The following ZC3H11A variants were observed in gnomAD, a reference collection of about 807,000 sequenced individuals.
ZC3H11A encodes zinc finger CCCH-type containing 11A.
ZC3H11A carries 22 observed loss-of-function variants against 90.8 expected under a neutral mutation model. That is an observed-to-expected ratio of 0.24 (90% CI 0.17 to 0.35). ZC3H11A has a LOEUF of 0.35. Ranked by LOEUF, ZC3H11A falls within the 10% of genes least tolerant of loss-of-function variation. ZC3H11A has a pLI of 1.00. For missense variants in ZC3H11A, 701 were observed against 964.9 expected, an observed-to-expected ratio of 0.73 and a Z score of 3.62; for synonymous variants, 294 against 339.8, an observed-to-expected ratio of 0.87 and a Z score of 1.48.
At chr1:203,835,162 C>T (rs1683874906) in intron 10 of ZC3H11A, among the ~76,000 whole-genome samples, 1 of 152,184 alleles carries the variant, frequency 6.6e-6, no homozygotes, top group Non-Finnish European at 1.5e-5. Flanking sequence ...ACTTTACGCT[C>T]TAAGTAATAA....
rs768923606 is a variant in ZC3H11A, at chr1:203,830,109, A to G, written c.620-14A>G. 6 of 1,580,262 alleles carry G rather than the reference A, an allele frequency of 3.8e-6. No homozygotes were observed. The highest frequency in any genetic ancestry group is 1.9e-5 in the Admixed American group (1 of 53,048). On this transcript the variant is annotated splice_polypyrimidine_tract_variant and intron_variant, in intron 7 of 17. Coordinates refer to ENST00000367210, the MANE Select transcript of ZC3H11A (RefSeq NM_001376342.1). ...GGCTCCCGTTCCTCATAAAATTTCT[A>G]TTTGAATTTTCAGGTGAATGTTTGA...
At chr1:203,823,336 C>G (rs143112587) in intron 4 of ZC3H11A, among the ~76,000 whole-genome samples, 10 of 152,310 alleles carry the variant, frequency 6.6e-5, no homozygotes, top group African/African-American at 2.4e-4. Flanking sequence ...ACACTCTTTT[C>G]CTAGTCATGA....
chr1:203,818,584 A>G lies in ZC3H11A; in HGVS notation c.69A>G (p.Pro23=), dbSNP rs1408958148. 3 of 1,614,006 alleles carry G rather than the reference A, an allele frequency of 1.9e-6. No homozygotes were observed. The highest frequency in any genetic ancestry group is 2.2e-5 in the East Asian group (1 of 44,890). ...TTTGTTTACAGGGTGACAGCTGCCC[A>G]TTCCGTCACTGTGAAGCTGCAATAG... ...YSTCTKGDSC[P]FRHCEAAIGN... Residue 23 remains proline, a synonymous_variant, in exon 4 of 18, where the codon CCA becomes CCG. Coordinates refer to ENST00000367210, the MANE Select transcript of ZC3H11A (RefSeq NM_001376342.1).
rs1307984295 is a variant in ZC3H11A at position 203,802,100 on chromosome 1, A to G, written c.-1062A>G. On this transcript the variant is annotated 5_prime_UTR_variant, in exon 2 of 18. Coordinates refer to ENST00000367210, the MANE Select transcript of ZC3H11A (RefSeq NM_001376342.1). ...TTGACAGTGCCAGTTTAGAATGGCT[A>G]TAATGCTGCTCTGCCTTCTACAGCT... 2.6e-5 allele frequency: 4 copies of G among 152,636 alleles called. No individual in the cohort carries two copies. Among genetic ancestry groups the G allele is most frequent in the African/African-American group, 9.6e-5 (4 of 41,458 alleles). The allele number at this position is 152,636 out of a possible 1,614,324, so 9.5% of individuals were successfully genotyped here.
chr1:203,800,261 G>C, intron 1 of ZC3H11A: 1 of 1,086,628 alleles, frequency 9.2e-7, no homozygotes. Flanking sequence ...TGTGTAGTTG[G>C]CAATCTGAAT....
At chr1:203,824,039 C>T (rs536297847) in intron 4 of ZC3H11A, among the ~76,000 whole-genome samples, 70 of 152,162 alleles carry the variant, frequency 4.6e-4, no homozygotes, top group Non-Finnish European at 9.1e-4. Flanking sequence ...GAGGCTGAGG[C>T]GGCTGGATCA....
chr1:203,850,659 C>A lies in ZC3H11A; in HGVS notation c.2084C>A (p.Pro695His). Residue 695 changes from proline (P) to histidine (H), a missense_variant, in exon 16 of 18, where the codon CCC (proline) becomes CAC (histidine). Around this residue, in one of 4 missense-constraint regions of ZC3H11A, gnomAD observed 91 missense variants for 86.8 expected, o/e 1.05. Coordinates refer to ENST00000367210, the MANE Select transcript of ZC3H11A (RefSeq NM_001376342.1). ...AGCTCCAGCAGTGTCCTACAGGAAC[C>A]CCCAGCCAAAAAGGCAGCTGTGGTA... is the stretch of plus-strand genomic sequence containing the variant. ...PLSSSSVLQE[P>H]PAKKAAVAVV... 1 of 1,614,034 alleles carries A rather than the reference C, an allele frequency of 6.2e-7. No homozygotes were observed.
intron 14 of ZC3H11A, among the ~76,000 whole-genome samples, chr1:203,848,847 T>C (rs1036086285): frequency 3.9e-5 from 6 of 152,200 alleles, no homozygotes; most frequent in African/African-American, 9.6e-5. Flanking sequence ...GAACAAACCC[T>C]AAAAATATAC....
At chr1:203,833,237 G>T (rs1367112838) in intron 9 of ZC3H11A, among the ~76,000 whole-genome samples, 1 of 151,984 alleles carries the variant, frequency 6.6e-6, no homozygotes, top group African/African-American at 2.4e-5. Context: ...GCATGGTGGT[G>T]CACGCCTGTA....
chr1:203,848,185 G>A (rs920147528), intron 13 of ZC3H11A, 146 bp from the exon 14 acceptor site: 1 of 690,818 alleles, frequency 1.4e-6, no homozygotes, highest in African/African-American at 1.9e-5. Context: ...TGTGTATTTT[G>A]AGACTTTAGG....
chr1:203,821,934 C>T lies in ZC3H11A; in HGVS notation c.174+3245C>T, dbSNP rs556071174. On this transcript the variant is annotated intron_variant, in intron 4 of 17. Coordinates refer to ENST00000367210, the MANE Select transcript of ZC3H11A (RefSeq NM_001376342.1). ...CACCACGCCCGGCTAATTTTTTGTA[C>T]TTTTAGTAGAGATGGGGTTTCACCG... 1.6e-3 allele frequency among the ~76,000 whole-genome samples: 238 copies of T among 151,934 alleles called. 1 individual carries two copies. Among genetic ancestry groups the T allele is most frequent in the East Asian group, 3.1e-3 (16 of 5,140 alleles).
At chr1:203,848,272 T>C in intron 13 of ZC3H11A, 59 bp from the exon 14 acceptor site, 2 of 1,393,622 alleles carry the variant, frequency 1.4e-6, no homozygotes, top group Non-Finnish European at 2.0e-6. Context: ...GTTTAACATA[T>C]CTATCATGAA....
intron 1 of ZC3H11A, chr1:203,797,759 G>C (rs1349360451): frequency 1.3e-6 from 2 of 1,535,672 alleles, no homozygotes; most frequent in East Asian, 4.9e-5. Context: ...GAAAAAAATT[G>C]ATTCTTGCCA....
intron 8 of ZC3H11A, 47 bp from the exon 9 acceptor site, chr1:203,831,614 A>G: frequency 2.6e-6 from 4 of 1,539,026 alleles, no homozygotes; most frequent in East Asian, 2.3e-5. Context: ...TTGGGATAGC[A>G]TTATTTTCCA....
rs1284061878 is a variant in ZC3H11A, at chr1:203,795,758, G to T, written c.-1624G>T. 6.6e-6 allele frequency: 1 copy of T among 152,238 alleles called. No individual in the cohort carries two copies. The highest frequency in any genetic ancestry group is 6.5e-5 in the Admixed American group (1 of 15,286). 9.4% of individuals were successfully genotyped at this position (152,238 alleles called of 1,614,324 possible). On this transcript the variant is annotated 5_prime_UTR_variant, in exon 1 of 18. Coordinates refer to ENST00000367210, the MANE Select transcript of ZC3H11A (RefSeq NM_001376342.1). ...GACGTGGCAGCAAGCGGGAGTCGGG[G>T]ATAGTGTCATCGGTTCGGTAAAGTT... is the stretch of plus-strand genomic sequence containing the variant.
chr1:203,806,830 C>CTT (rs373591619), intron 2 of ZC3H11A, among the ~76,000 whole-genome samples: 27,790 of 117,838 alleles, frequency 0.24, 3,718 homozygotes, highest in East Asian at 0.52. Context: ...CCTCAGGTTC[C>CTT]TTTTTTTTTT....
intron 1 of ZC3H11A, chr1:203,800,034 T>C (rs1404691782): frequency 6.5e-7 from 1 of 1,536,098 alleles, no homozygotes; most frequent in East Asian, 2.4e-5. Flanking sequence ...AGAAGGCACC[T>C]CCAGTTCAGG....
chr1:203,848,581 C>T (rs144246447), intron 14 of ZC3H11A, among the ~76,000 whole-genome samples, 174 bp downstream of exon 14: 32 of 152,240 alleles, frequency 2.1e-4, no homozygotes, highest in African/African-American at 6.0e-4. Flanking sequence ...TATCAGTATT[C>T]GCTGCCCTTT....
In ZC3H11A at chr1:203,847,764, G is replaced by C. The variant is rs1364325151; in HGVS notation, c.1546+77G>C. 1.7e-5 allele frequency: 26 copies of C among 1,534,060 alleles called. 1 individual carries two copies. The South Asian group carries it at 3.2e-4, about 19-fold the overall frequency. On this transcript the variant is annotated intron_variant, in intron 13 of 17. Coordinates refer to ENST00000367210, the MANE Select transcript of ZC3H11A (RefSeq NM_001376342.1). ...GGAGTGTTCCGTGGGATCTTCCTAG[G>C]AGTTGTTTGACAACCTTTCTTTACT...
Sources: allele counts gnomAD v4.1 joint callset (sites outside exome capture counted in the v4.1 genomes callset), GRCh38; gene constraint gnomAD v4.1.1; regional missense constraint gnomAD v4.1.1; transcripts MANE v1.5; gene names NCBI Gene and HGNC (gene_info 2026-07-23, HGNC 2026-07-21).